DNAH12: variants seen among roughly 807,000 people sequenced by gnomAD.
The protein encoded by DNAH12 is axonemal beta dynein heavy chain 12.
A neutral mutation model predicts 371.5 loss-of-function variants in DNAH12; 285 were observed. The ratio of observed to expected loss-of-function variants is 0.77; its 90% CI spans 0.70 to 0.85. DNAH12 has a LOEUF of 0.85. DNAH12 is among the 40% of genes least tolerant of loss of function. The probability of loss-of-function intolerance (pLI) is 0.00; values close to 1 mark genes in which losing one functional copy is unlikely to be tolerated. For missense variants in DNAH12, 3,611 were observed against 3,689.4 expected, an observed-to-expected ratio of 0.98 and a Z score of 0.55; for synonymous variants, 1,200 against 1,213.0, an observed-to-expected ratio of 0.99 and a Z score of 0.22.
intron 60 of DNAH12, among the ~76,000 whole-genome samples, chr3:57,349,457 C>A (rs1321351986): frequency 6.6e-6 from 1 of 152,142 alleles, no homozygotes; most frequent in East Asian, 1.9e-4. Flanking sequence ...ATCCAGCAAT[C>A]CCCCTACTCG....
At chr3:57,469,987 T>C (rs1488884532) in intron 16 of DNAH12, among the ~76,000 whole-genome samples, 1 of 152,084 alleles carries the variant, frequency 6.6e-6, no homozygotes, top group Admixed American at 6.6e-5. Flanking sequence ...AAAATAAAAG[T>C]TGAAATTATA....
intron 42 of DNAH12, among the ~76,000 whole-genome samples, 190 bp from the exon 43 acceptor site, chr3:57,403,691 T>C (rs1281743955): frequency 1.3e-5 from 2 of 152,178 alleles, no homozygotes; most frequent in Non-Finnish European, 2.9e-5. Context: ...TCATTTGATG[T>C]AGGGGAAAAC....
At chr3:57,318,579 G>A (rs1231755694) in intron 65 of DNAH12, among the ~76,000 whole-genome samples, 5 of 151,828 alleles carry the variant, frequency 3.3e-5, no homozygotes, top group Non-Finnish European at 5.9e-5. Context: ...AATCCAAAAT[G>A]CTCCAAAATC....
chr3:57,485,488 C>G lies in DNAH12; in HGVS notation c.1515-1977G>C, dbSNP rs183119735. ...TAGTGGTGCAATACACCACAACCTT[C>G]ACCTCCAGGTTCAAGCCATTCTCCT... On this transcript the variant is annotated intron_variant, in intron 12 of 73. Coordinates refer to ENST00000495027, the MANE Select transcript of DNAH12 (RefSeq NM_001366028.2). 3.3e-5 allele frequency among the ~76,000 whole-genome samples: 5 copies of G among 151,802 alleles called. No individual in the cohort carries two copies. In the East Asian group the frequency reaches 9.7e-4, roughly 30 times the overall value.
chr3:57,507,527 G>A, intron 8 of DNAH12, 116 bp downstream of exon 8: 1 of 744,042 alleles, frequency 1.3e-6, no homozygotes, highest in Non-Finnish European at 1.9e-6. Context: ...TAAAATTACA[G>A]TAGAAATATT....
rs562734656 is a variant in DNAH12 at position 57,301,805 on chromosome 3, C to T, written c.11324G>A (p.Arg3775His). ...CAGGGGCTTAAGGCTTGGGTATGAA[C>T]GTTTGGCCCATATTTCTGGAACCTT... ...VGKVPEIWAK[R>H]SYPSLKPLGS... Residue 3775 changes from arginine (R) to histidine (H), a missense_variant, in exon 70 of 74, where the codon CGT becomes CAT. Arg to His is a conservative substitution (Grantham distance 29). This residue lies in a region of DNAH12 where 2,266 missense variants were observed against 2,236.9 expected (regional missense o/e 1.01). Transcript: ENST00000495027. 4.7e-5 allele frequency: 73 copies of T among 1,551,246 alleles called. No individual in the cohort carries two copies. The Admixed American group carries it at 6.3e-4, about 13-fold the overall frequency.
At chr3:57,319,695 T>G (rs1421879665) in intron 65 of DNAH12, among the ~76,000 whole-genome samples, 1 of 151,930 alleles carries the variant, frequency 6.6e-6, no homozygotes, top group Non-Finnish European at 1.5e-5. Flanking sequence ...TTCTCCTGCC[T>G]CTTCCTGAGT....
chr3:57,420,618 T>C (rs762840728), intron 36 of DNAH12, among the ~76,000 whole-genome samples: 3 of 150,542 alleles, frequency 2.0e-5, no homozygotes, highest in Admixed American at 6.7e-5. Context: ...TCTTAAAGAA[T>C]ATGCTTGTGG....
chr3:57,526,456 C>T (rs2068648221), intron 2 of DNAH12, among the ~76,000 whole-genome samples: 1 of 147,780 alleles, frequency 6.8e-6, no homozygotes, highest in South Asian at 2.2e-4. Flanking sequence ...AGTAAAGAAA[C>T]AAAAGAATGG....
intron 13 of DNAH12, among the ~76,000 whole-genome samples, chr3:57,474,697 G>T (rs7615331): frequency 6.6e-6 from 1 of 152,110 alleles, no homozygotes; most frequent in African/African-American, 2.4e-5. Context: ...GGTAGCTCAC[G>T]CCTGTAATCC....
intron 4 of DNAH12, among the ~76,000 whole-genome samples, chr3:57,515,851 C>T (rs1211708445): frequency 6.6e-6 from 1 of 151,786 alleles, no homozygotes; most frequent in Non-Finnish European, 1.5e-5. Context: ...ATAAAGCATA[C>T]AGGGGAATTC....
intron 2 of DNAH12, among the ~76,000 whole-genome samples, chr3:57,534,854 T>C (rs936989081): frequency 1.4e-4 from 22 of 152,220 alleles, no homozygotes; most frequent in African/African-American, 5.1e-4. Context: ...TTGAGCTGTA[T>C]GTTTGTAACT....
At chr3:57,523,528 T>C in intron 4 of DNAH12, 55 bp downstream of exon 4, 1 of 1,460,096 alleles carries the variant, frequency 6.8e-7, no homozygotes, top group South Asian at 1.3e-5. Context: ...TGAAACTACT[T>C]TGCAATAATT....
At chr3:57,350,818 T>C (rs539233898) in intron 60 of DNAH12, among the ~76,000 whole-genome samples, 4 of 152,130 alleles carry the variant, frequency 2.6e-5, no homozygotes, top group African/African-American at 7.2e-5. Flanking sequence ...AATAGAGAAA[T>C]GGACAAGTGA....
intron 42 of DNAH12, 27 bp from the exon 43 acceptor site, chr3:57,403,528 T>C: frequency 6.6e-7 from 1 of 1,519,886 alleles, no homozygotes; most frequent in African/African-American, 1.4e-5. Flanking sequence ...ATTTTATTAA[T>C]GCATTACAAT....
chr3:57,544,020 C>G (rs1427315355), intron 1 of DNAH12, among the ~76,000 whole-genome samples, 177 bp downstream of exon 1: 1 of 152,170 alleles, frequency 6.6e-6, no homozygotes, highest in African/African-American at 2.4e-5. Context: ...GCACTTCAGC[C>G]TGGGCGATAA....
At chr3:57,463,095 GA>G (rs1444087321) in intron 17 of DNAH12, among the ~76,000 whole-genome samples, 6 of 151,844 alleles carry the variant, frequency 4.0e-5, no homozygotes, top group African/African-American at 7.3e-5. Context: ...AAATAGCCAG[GA>G]AAATTATAAG....
At chr3:57,446,327 AAAAC>A in intron 26 of DNAH12, 57 bp from the exon 27 acceptor site, 1 of 1,505,670 alleles carries the variant, frequency 6.6e-7, no homozygotes, top group South Asian at 1.3e-5. Flanking sequence ...ATCATCTCTT[AAAAC>A]AAATACCTAA....
intron 70 of DNAH12, 38 bp from the exon 71 acceptor site, chr3:57,297,022 A>G (rs2061247185): frequency 2.6e-6 from 4 of 1,546,236 alleles, no homozygotes; most frequent in Admixed American, 2.0e-5. Context: ...GTCAGTTTTT[A>G]AAGTTATACA....
Sources: gnomAD v4.1 joint callset for allele counts (sites outside exome capture counted in the v4.1 genomes callset) on GRCh38, gnomAD v4.1.1 for gene constraint, gnomAD v4.1.1 regional missense constraint, MANE v1.5 for transcripts, NCBI Gene and HGNC (gene_info 2026-07-23, HGNC 2026-07-21) for gene names.